The following POLI variants were observed in gnomAD, a reference collection of about 807,000 sequenced individuals.
The protein encoded by POLI is RAD30 homolog B.
Under a neutral mutation model 51.6 loss-of-function variants are expected in POLI, and 58 were observed. That is an observed-to-expected ratio of 1.12 (90% confidence interval 0.91 to 1.40). POLI has a LOEUF of 1.40. Among genes scored for constraint, POLI ranks in the 40% most tolerant of loss-of-function variants. The pLI is 0.00. For synonymous variants in POLI, 322 were observed against 299.7 expected, an observed-to-expected ratio of 1.07 and a Z score of -0.77; for missense variants, 921 against 871.3, an observed-to-expected ratio of 1.06 and a Z score of -0.72.
intron 3 of POLI, among the ~76,000 whole-genome samples, chr18:54,305,344 A>G (rs2088564029): frequency 6.6e-6 from 1 of 152,116 alleles, no homozygotes; most frequent in Non-Finnish European, 1.5e-5. Context: ...TCTATAAATT[A>G]CCTTTGGCAG....
chr18:54,307,741 G>C (rs972046603), intron 3 of POLI, among the ~76,000 whole-genome samples: 20 of 152,130 alleles, frequency 1.3e-4, no homozygotes, highest in Non-Finnish European at 2.6e-4. Context: ...AGATCACTAA[G>C]GACTTGCTTT....
chr18:54,274,106 A>C lies in POLI; in HGVS notation c.406+16A>C, dbSNP rs1361010751. 3.8e-6 allele frequency: 5 copies of C among 1,328,304 alleles called. No individual in the cohort carries two copies. Among genetic ancestry groups the C allele is most frequent in the Non-Finnish European group, 4.9e-6 (5 of 1,017,832 alleles). The allele number at this position is 1,328,304 out of a possible 1,614,324, so 82.3% of individuals were successfully genotyped here. On this transcript the variant is annotated intron_variant, in intron 3 of 9. Transcript: ENST00000579534. ...AAGGTTACAGGTACAAATGATAAGC[A>C]ATGTACTTTTAGCATTAATTTTTAT...
rs150070226 is a variant in POLI, at chr18:54,271,472, A to G, written c.228A>G (p.Lys76=). Residue 76 remains lysine (K), a synonymous_variant, in exon 2 of 10, where the codon AAA becomes AAG. Transcript: ENST00000579534. ...AAATGATCTCAAATCCAGAGCTAAA[A>G]GACAAACCTTTAGGTAACTGTAGAT... ...QVEMISNPEL[K]DKPLGVQQKY... is the part of the protein sequence containing the mutation. The G allele has an allele frequency of 8.7e-6, 14 of 1,600,320 alleles. No individual in the cohort carries two copies. In the African/African-American group the frequency reaches 1.7e-4, roughly 20 times the overall value.
rs759868851 is a variant in POLI, at chr18:54,274,039, G to A, written c.355G>A (p.Val119Ile). The A allele has an allele frequency of 3.9e-6, 6 of 1,557,972 alleles. No homozygotes were observed. In the Admixed American group the frequency reaches 5.5e-5, roughly 14 times the overall value. Residue 119 changes from valine (V) to isoleucine (I), a missense_variant, in exon 3 of 10, where the codon GTT (valine) becomes ATT (isoleucine). By Grantham distance (29) the Val-to-Ile change is conservative. Transcript: ENST00000579534. ...AGAAAAGTGTCCACAGTTGGTATTA[G>A]TTAATGGAGAAGACCTGACCCGCTA... is the stretch of plus-strand genomic sequence containing the variant. The part of the protein sequence containing the change: ...AKEKCPQLVL[V>I]NGEDLTRYRE...
intron 3 of POLI, among the ~76,000 whole-genome samples, chr18:54,308,772 G>A (rs1241620003): frequency 2.6e-5 from 4 of 152,114 alleles, no homozygotes; most frequent in African/African-American, 9.7e-5. Flanking sequence ...TGAGGGCTTT[G>A]TTTATTGCTT....
At position 54,280,717 on chromosome 18, in the gene POLI, A is replaced by G. The variant is rs772968163; in HGVS notation, c.610A>G (p.Ile204Val). 1 of 1,613,832 alleles carries G rather than the reference A, an allele frequency of 6.2e-7. No individual in the cohort carries two copies. Among genetic ancestry groups the G allele is most frequent in the Non-Finnish European group, 8.5e-7 (1 of 1,179,716 alleles). ...CATCAGACTACTTGTTGGATCTCAGATTGCAGCAGAGATGCGGGAAGCCAT... is the reference window on the plus strand; with the variant it reads ...CATCAGACTACTTGTTGGATCTCAGGTTGCAGCAGAGATGCGGGAAGCCAT... The part of the protein sequence containing the change: ...LHIRLLVGSQ[I>V]AAEMREAMYN... Residue 204 changes from isoleucine to valine, a missense_variant, in exon 5 of 10, where the codon ATT becomes GTT. Physicochemically the swap from Ile to Val is conservative, Grantham distance 29 (BLOSUM62 3). Coordinates refer to ENST00000579534, the MANE Select transcript of POLI (RefSeq NM_007195.3).
intron 1 of POLI, chr18:54,271,136 C>T (rs1599149116): frequency 2.8e-6 from 1 of 360,006 alleles, no homozygotes; most frequent in East Asian, 4.5e-5. Flanking sequence ...TTATTACTAT[C>T]CTGAGAAAAA....
At chr18:54,302,359 T>C (rs2084928445), downstream of POLI, among the ~76,000 whole-genome samples, 1 of 152,184 alleles carries the variant, frequency 6.6e-6, no homozygotes, top group Non-Finnish European at 1.5e-5. Flanking sequence ...TCAGAGACCA[T>C]TTGTTTTACT....
intron 3 of POLI, among the ~76,000 whole-genome samples, chr18:54,308,613 T>C (rs2088625444): frequency 6.6e-6 from 1 of 152,158 alleles, no homozygotes; most frequent in Non-Finnish European, 1.5e-5. Flanking sequence ...ATTTCCTGAA[T>C]TTGAATGTTG....
At position 54,293,496 on chromosome 18, in the gene POLI, G is replaced by A. The variant is rs75926341; in HGVS notation, c.1405-153G>A. ...CAAAATAGTGTGAATAATTGTGGTA[G>A]TAGATCTCTAGTTGTTTGGAACTGG... On this transcript the variant is annotated intron_variant, in intron 9 of 9. Coordinates refer to ENST00000579534, the MANE Select transcript of POLI (RefSeq NM_007195.3). 9.2e-5 allele frequency among the ~76,000 whole-genome samples: 14 copies of A among 151,792 alleles called. No homozygotes were observed. The East Asian group carries it at 2.5e-3, about 27-fold the overall frequency.
chr18:54,294,263 T>C lies in POLI; in HGVS notation c.2019T>C (p.Thr673=). The C allele has an allele frequency of 6.2e-7, 1 of 1,613,694 alleles. No individual in the cohort carries two copies. Among genetic ancestry groups the C allele is most frequent in the South Asian group, 1.1e-5 (1 of 91,074 alleles). The change falls in exon 10 of 10, where the codon ACT becomes ACC. Residue 673 remains threonine (T), a synonymous_variant. Coordinates refer to ENST00000579534, the MANE Select transcript of POLI (RefSeq NM_007195.3). ...QSEQLFSRNH[T]TDSHKQTVAT... is the part of the protein sequence containing the mutation. The stretch of plus-strand genomic sequence containing the variant: ...AGCAACTTTTCTCCAGAAACCACAC[T>C]ACAGATAGCCATAAGCAAACAGTAG...
chr18:54,271,182 C>T (rs888341974), intron 1 of POLI, 178 bp from the exon 2 acceptor site: 1 of 515,026 alleles, frequency 1.9e-6, no homozygotes, highest in Non-Finnish European at 3.4e-6. Context: ...GGACTGAAGA[C>T]CCTACCCTAA....
downstream of POLI, among the ~76,000 whole-genome samples, chr18:54,302,586 C>T (rs1213779898): frequency 6.6e-6 from 1 of 152,110 alleles, no homozygotes; most frequent in Non-Finnish European, 1.5e-5. Context: ...ATGGGGTATC[C>T]ATCCCCTCAA....
In POLI at chr18:54,294,512, T is replaced by A. The variant is rs2088203201; in HGVS notation, c.*45T>A. On this transcript the variant is annotated 3_prime_UTR_variant, in exon 10 of 10. Coordinates refer to ENST00000579534, the MANE Select transcript of POLI (RefSeq NM_007195.3). ...CTGAAAAGCAAGGGAATACCATTAT[T>A]TTCGGATTAGCGGTTTATTAAGCTC... 4 of 1,523,680 alleles carry A rather than the reference T, an allele frequency of 2.6e-6. No homozygotes were observed. The highest frequency in any genetic ancestry group is 3.5e-6 in the Non-Finnish European group (4 of 1,142,070). 94.4% of individuals were successfully genotyped at this position (1,523,680 alleles called of 1,614,324 possible).
At position 54,297,726 on chromosome 18, in the gene POLI, C is replaced by T; in HGVS notation, c.*3259C>T. The T allele has an allele frequency of 1.0e-6, 1 of 970,436 alleles. No individual in the cohort carries two copies. The highest frequency in any genetic ancestry group is 1.2e-6 in the Non-Finnish European group (1 of 816,376). 60.1% of individuals were successfully genotyped at this position (970,436 alleles called of 1,614,324 possible). On this transcript the variant is annotated 3_prime_UTR_variant, in exon 10 of 10. Transcript: ENST00000579534. ...GATTATCCTTAAACATCTAAAAATG[C>T]TACCCTCTTTCCAAACAACACAAAG...
At chr18:54,284,746 G>C (rs1242788291) in intron 7 of POLI, 1 of 152,344 alleles carries the variant, frequency 6.6e-6, no homozygotes, top group Non-Finnish European at 1.5e-5. Flanking sequence ...GGTGTGTGCA[G>C]GGTTTCTGAT....
At chr18:54,292,582 C>G (rs2088078045) in intron 9 of POLI, among the ~76,000 whole-genome samples, 1 of 152,074 alleles carries the variant, frequency 6.6e-6, no homozygotes. Flanking sequence ...AAACAAAACC[C>G]TTTTATTAAT....
intron 3 of POLI, chr18:54,274,813 C>A (rs1192902197): frequency 6.6e-6 from 1 of 151,900 alleles, no homozygotes; most frequent in African/African-American, 2.4e-5. Flanking sequence ...GTCTTTTTTA[C>A]TTTTTTTGTT....
rs572999345 is a variant in POLI, at chr18:54,269,544, G to T, written c.-3G>T. On this transcript the variant is annotated 5_prime_UTR_variant, in exon 1 of 10. Coordinates refer to ENST00000579534, the MANE Select transcript of POLI (RefSeq NM_007195.3). ...AAGTAGCGCTGCGGTTGGCAGCGGC[G>T]GGATGGAGAAGCTGGGGGTGGAGCC... 1.3e-6 allele frequency: 2 copies of T among 1,507,694 alleles called. No homozygotes were observed. Among genetic ancestry groups the T allele is most frequent in the East Asian group, 2.8e-5 (1 of 35,954 alleles). 93.4% of individuals were successfully genotyped at this position (1,507,694 alleles called of 1,614,324 possible).
Sources: gnomAD v4.1 joint callset for allele counts (sites outside exome capture counted in the v4.1 genomes callset) on GRCh38, gnomAD v4.1.1 for gene constraint, MANE v1.5 for transcripts, NCBI Gene and HGNC (gene_info 2026-07-23, HGNC 2026-07-21) for gene names.